Variants in STXBP5 observed in about 807,000 individuals in gnomAD.
STXBP5 encodes the protein syntaxin-binding protein 5.
A neutral mutation model predicts 152.4 loss-of-function variants in STXBP5; 50 were observed. That is an observed-to-expected ratio of 0.33 (90% CI 0.26 to 0.42). STXBP5 has a LOEUF of 0.42. Ranked by LOEUF, STXBP5 falls within the 10% of genes least tolerant of loss-of-function variation. The probability of loss-of-function intolerance (pLI) is 1.00; values close to 1 mark genes in which losing one functional copy is unlikely to be tolerated. For synonymous variants in STXBP5, 492 were observed against 494.7 expected (o/e 0.99, Z 0.07); for missense variants, 1,167 against 1,388.6 (o/e 0.84, Z 2.54).
At position 147,219,386 on chromosome 6, in the gene STXBP5, C is replaced by T. The variant is rs113941119; in HGVS notation, c.248+13318C>T. On this transcript the variant is annotated intron_variant, in intron 2 of 27. Coordinates refer to ENST00000321680, the MANE Select transcript of STXBP5 (RefSeq NM_001127715.4). ...GAAGGATTGATCTTAGTTTTCTTTT[C>T]TCGTAATGCCTTTGGTATTCATATT... 2.0e-4 allele frequency among the ~76,000 whole-genome samples: 31 copies of T among 151,988 alleles called. 1 individual carries two copies. The highest frequency in any genetic ancestry group is 4.4e-5 in the Non-Finnish European group (3 of 68,004).
At position 147,204,485 on chromosome 6, in the gene STXBP5, A is replaced by AC; in HGVS notation, c.-43dup. The AC allele has an allele frequency of 6.3e-7, 1 of 1,593,688 alleles. No homozygotes were observed. Among genetic ancestry groups the AC allele is most frequent in the Non-Finnish European group, 8.5e-7 (1 of 1,171,796 alleles). ...CCCGGGTGGTCTCCCCCGCCCGGGGACCCCCTGTGCCTCCCCTCCCGGGCT... is the reference window on the plus strand; with the variant it reads ...CCCGGGTGGTCTCCCCCGCCCGGGGACCCCCCTGTGCCTCCCCTCCCGGGCT... On this transcript the variant is annotated 5_prime_UTR_variant, in exon 1 of 28. Coordinates refer to ENST00000321680, the MANE Select transcript of STXBP5 (RefSeq NM_001127715.4). The surrounding 1 kb of genome is among the most constrained non-coding windows in gnomAD (Gnocchi z 4.3).
At chr6:147,262,414 C>G in intron 6 of STXBP5, 61 bp downstream of exon 6, 1 of 1,006,276 alleles carries the variant, frequency 9.9e-7, no homozygotes, top group Non-Finnish European at 1.4e-6. Context: ...TTTCAATAAA[C>G]ATGCTATTTC....
At position 147,385,819 on chromosome 6, in the gene STXBP5, A is replaced by G. The variant is rs553705276; in HGVS notation, c.*1064A>G. The G allele has an allele frequency of 1.3e-5, 2 of 152,136 alleles. No homozygotes were observed. The highest frequency in any genetic ancestry group is 2.4e-5 in the African/African-American group (1 of 41,448). 9.4% of individuals were successfully genotyped at this position (152,136 alleles called of 1,614,324 possible). A position where few individuals can be genotyped will look rare whatever the true frequency, so the allele number is the denominator to read the frequency against. On this transcript the variant is annotated 3_prime_UTR_variant, in exon 28 of 28. Coordinates refer to ENST00000321680, the MANE Select transcript of STXBP5 (RefSeq NM_001127715.4). Reference sequence around the variant, plus strand: ...CTAACTGTTCCAATACACTCAGGTGATGAGCCAATTAAATGTTAGTGCACA... The same window carrying G: ...CTAACTGTTCCAATACACTCAGGTGGTGAGCCAATTAAATGTTAGTGCACA...
chr6:147,331,598 T>C (rs1009245794), intron 18 of STXBP5, among the ~76,000 whole-genome samples: 4 of 152,174 alleles, frequency 2.6e-5, no homozygotes, highest in African/African-American at 9.7e-5. Context: ...TGAACATTGC[T>C]GGCATTCAGG....
rs2128426263 is a variant in STXBP5, at chr6:147,388,544, A to G, written c.*3789A>G. The G allele has an allele frequency of 6.6e-6, 1 of 151,682 alleles. No individual in the cohort carries two copies. Among genetic ancestry groups the G allele is most frequent in the Non-Finnish European group, 1.5e-5 (1 of 67,638 alleles). The allele number at this position is 151,682 out of a possible 1,614,324, so 9.4% of individuals were successfully genotyped here. On this transcript the variant is annotated 3_prime_UTR_variant, in exon 28 of 28. Coordinates refer to ENST00000321680, the MANE Select transcript of STXBP5 (RefSeq NM_001127715.4). ...AAAAAGTATGTATATTATCCATACA[A>G]AAAGTTATGTTTTACGCTTATAATA...
chr6:147,298,284 C>A (rs1156242357), intron 9 of STXBP5, among the ~76,000 whole-genome samples: 1 of 151,934 alleles, frequency 6.6e-6, no homozygotes, highest in Non-Finnish European at 1.5e-5. Flanking sequence ...ATCAATTTAG[C>A]ATGAGGATTT....
chr6:147,383,049 G>T, intron 27 of STXBP5, 51 bp downstream of exon 27: 1 of 1,577,166 alleles, frequency 6.3e-7, no homozygotes, highest in South Asian at 1.1e-5. Flanking sequence ...TAAAGCAAGT[G>T]TGAATGTTAC....
At chr6:147,310,345 C>T (rs946471049) in intron 10 of STXBP5, 107 bp downstream of exon 10, 1 of 881,560 alleles carries the variant, frequency 1.1e-6, no homozygotes, top group Non-Finnish European at 1.5e-6. Context: ...TGTGCTAATT[C>T]TTCTGGAGAA....
At chr6:147,270,032 T>C (rs1352885533) in intron 7 of STXBP5, among the ~76,000 whole-genome samples, 1 of 151,998 alleles carries the variant, frequency 6.6e-6, no homozygotes, top group African/African-American at 2.4e-5. Context: ...TACAAACTAG[T>C]AATAGAGAAG....
At chr6:147,228,223 CA>C (rs1290075105) in intron 2 of STXBP5, among the ~76,000 whole-genome samples, 5 of 151,886 alleles carry the variant, frequency 3.3e-5, no homozygotes, top group Non-Finnish European at 7.4e-5. Context: ...AAATGACTTA[CA>C]AAAAGAATGA....
At chr6:147,380,269 C>T (rs1786017087) in intron 26 of STXBP5, among the ~76,000 whole-genome samples, 1 of 150,760 alleles carries the variant, frequency 6.6e-6, no homozygotes, top group Admixed American at 6.6e-5. Context: ...AAACTTACTA[C>T]AAAGCTATAG....
intron 25 of STXBP5, among the ~76,000 whole-genome samples, chr6:147,367,217 T>A (rs982484646): frequency 3.9e-5 from 6 of 152,194 alleles, no homozygotes; most frequent in African/African-American, 1.4e-4. Context: ...GAAGAAAAGA[T>A]AGTGTACTTG....
At chr6:147,293,429 A>G (rs1468191129) in intron 9 of STXBP5, 1 of 152,168 alleles carries the variant, frequency 6.6e-6, no homozygotes, top group Non-Finnish European at 1.5e-5. Context: ...ACATTATACT[A>G]TGCAGCCTAA....
chr6:147,351,975 A>G lies in STXBP5; in HGVS notation c.2255-1348A>G, dbSNP rs114041563. ...CCTGTATTAACAAATGCTTTTTGAAAATTTCACATAGGAAGCACTTTTCTT... is the reference window on the plus strand; with the variant it reads ...CCTGTATTAACAAATGCTTTTTGAAGATTTCACATAGGAAGCACTTTTCTT... On this transcript the variant is annotated intron_variant, in intron 21 of 27. Transcript: ENST00000321680. The G allele has an allele frequency of 1.8e-3, 1,434 of 807,070 alleles. 18 individuals are homozygous for G. The African/African-American group carries it at 0.025, about 14-fold the overall frequency. 50.0% of individuals were successfully genotyped at this position (807,070 alleles called of 1,614,324 possible). A position where few individuals can be genotyped will look rare whatever the true frequency, so the allele number is the denominator to read the frequency against.
intron 7 of STXBP5, 62 bp from the exon 8 acceptor site, chr6:147,278,019 C>A (rs1474469051): frequency 1.0e-5 from 14 of 1,384,000 alleles, no homozygotes; most frequent in East Asian, 7.3e-5. Flanking sequence ...TAGATGAGAT[C>A]ATTTACAAAT....
chr6:147,354,779 A>G (rs1784743098), intron 22 of STXBP5, among the ~76,000 whole-genome samples: 1 of 152,216 alleles, frequency 6.6e-6, no homozygotes, highest in Non-Finnish European at 1.5e-5. Flanking sequence ...TATTCACTTC[A>G]TGGTTTAGCT....
chr6:147,307,148 G>A (rs948709396), intron 9 of STXBP5, among the ~76,000 whole-genome samples: 1 of 152,072 alleles, frequency 6.6e-6, no homozygotes, highest in Admixed American at 6.6e-5. Flanking sequence ...GGTAATCATT[G>A]GCAGAAAGCG....
At chr6:147,259,309 C>G (rs973557585) in intron 4 of STXBP5, among the ~76,000 whole-genome samples, 2 of 152,032 alleles carry the variant, frequency 1.3e-5, no homozygotes, top group African/African-American at 4.8e-5. Context: ...GAAAAAAAAT[C>G]TTAGGATGAT....
chr6:147,378,400 A>T (rs2128421454), intron 26 of STXBP5, among the ~76,000 whole-genome samples: 1 of 140,614 alleles, frequency 7.1e-6, no homozygotes, highest in African/African-American at 2.6e-5. Flanking sequence ...TTCAAAGTTG[A>T]TTTATCATTA....
Sources: gnomAD v4.1 joint callset for allele counts (sites outside exome capture counted in the v4.1 genomes callset) on GRCh38, gnomAD v4.1.1 for gene constraint, Gnocchi (gnomAD v3.1) non-coding constraint, MANE v1.5 for transcripts, NCBI Gene and HGNC (gene_info 2026-07-23, HGNC 2026-07-21) for gene names.